ZMAT4: variants seen among roughly 807,000 people sequenced by gnomAD.
The protein encoded by ZMAT4 is zinc finger matrin-type protein 4.
Under a neutral mutation model 28.7 loss-of-function variants are expected in ZMAT4, and 17 were observed. That is an observed-to-expected ratio of 0.59 (90% confidence interval 0.41 to 0.89). The LOEUF is 0.89. Among genes scored for constraint, ZMAT4 ranks in the 40% least tolerant of loss-of-function variants. The pLI is 0.00. For synonymous variants in ZMAT4, 117 were observed against 109.2 expected (o/e 1.07, Z -0.44); for missense variants, 240 against 283.8 (o/e 0.85, Z 1.11).
chr8:40,649,648 A>G (rs1278182563), intron 5 of ZMAT4, among the ~76,000 whole-genome samples: 2 of 152,024 alleles, frequency 1.3e-5, no homozygotes, highest in Non-Finnish European at 2.9e-5. Flanking sequence ...CACCACACCT[A>G]TTCCAAAATT....
intron 5 of ZMAT4, among the ~76,000 whole-genome samples, chr8:40,633,309 C>T (rs1270593286): frequency 6.6e-6 from 1 of 152,186 alleles, no homozygotes; most frequent in East Asian, 1.9e-4. Flanking sequence ...AGCAATTCAA[C>T]TCATAGAGTT....
chr8:40,881,424 GAAGAAAGAGAGAAAGAAAGA>G lies in ZMAT4; in HGVS notation c.-5+16239_-5+16258del, dbSNP rs1260303458. Among the ~76,000 whole-genome samples, 34 of 71,218 alleles carry G rather than the reference GAAGAAAGAGAGAAAGAAAGA, an allele frequency of 4.8e-4. No homozygotes were observed. The East Asian group carries it at 0.011, about 23-fold the overall frequency. The allele number at this position is 71,218 out of a possible 152,430, so 46.7% of individuals were successfully genotyped here. On this transcript the variant is annotated intron_variant, in intron 1 of 6. Coordinates refer to ENST00000297737, the MANE Select transcript of ZMAT4 (RefSeq NM_024645.3). ...AGAGAGAGAAAGAAAGGAAGAAAAA[GAAGAAAGAGAGAAAGAAAGA>G]AAGAAAGAAAGAAAGAAAGAAAGAA...
At chr8:40,589,217 A>G (rs893280083) in intron 5 of ZMAT4, among the ~76,000 whole-genome samples, 1 of 152,156 alleles carries the variant, frequency 6.6e-6, no homozygotes, top group African/African-American at 2.4e-5. Context: ...GGTAGATACT[A>G]TTGTTATACC....
intron 5 of ZMAT4, among the ~76,000 whole-genome samples, chr8:40,645,217 C>T (rs1437203704): frequency 6.6e-6 from 1 of 152,046 alleles, no homozygotes. Flanking sequence ...ACTGTGCTAT[C>T]TTCACCATGT....
rs568096766 is a variant in ZMAT4 at position 40,762,492 on chromosome 8, A to T, written c.192+5149T>A. ...AAACAGCAAGATCCCATCTCTACAA[A>T]TTTTTTTTTTTAAATTAGCCAGGTA... On this transcript the variant is annotated intron_variant, in intron 3 of 6. Transcript: ENST00000297737. Among the ~76,000 whole-genome samples the T allele has an allele frequency of 1.1e-4, 16 of 149,148 alleles. No homozygotes were observed. The East Asian group carries it at 2.2e-3, about 20-fold the overall frequency.
chr8:40,591,593 G>C (rs1406261891), intron 5 of ZMAT4, among the ~76,000 whole-genome samples: 1 of 146,858 alleles, frequency 6.8e-6, no homozygotes, highest in African/African-American at 2.4e-5. Flanking sequence ...TCTTCTAGCA[G>C]GCCCATCAAA....
intron 6 of ZMAT4, among the ~76,000 whole-genome samples, chr8:40,562,252 A>G (rs1803771523): frequency 6.6e-6 from 1 of 152,102 alleles, no homozygotes. Flanking sequence ...ACTCCCGGCC[A>G]GATTCTGTCA....
chr8:40,695,768 ATTTTTTTTTTTTTTT>A (rs756360990), intron 4 of ZMAT4, among the ~76,000 whole-genome samples: 13 of 58,504 alleles, frequency 2.2e-4, no homozygotes, highest in African/African-American at 4.1e-4. Flanking sequence ...CCATGTGGCA[ATTTTTTTTTTTTTTT>A]TTTTTTTTTT....
intron 5 of ZMAT4, among the ~76,000 whole-genome samples, chr8:40,595,194 C>T (rs751040440): frequency 1.3e-5 from 2 of 152,122 alleles, no homozygotes; most frequent in African/African-American, 2.4e-5. Context: ...GCGAACAATG[C>T]CATTTGTGCT....
intron 1 of ZMAT4, among the ~76,000 whole-genome samples, chr8:40,866,083 C>A (rs148049129): frequency 2.0e-5 from 3 of 152,232 alleles, no homozygotes; most frequent in East Asian, 3.9e-4. Flanking sequence ...CAAGGCATTC[C>A]GAAAATACAC....
intron 3 of ZMAT4, among the ~76,000 whole-genome samples, chr8:40,732,862 TGAGTTGGGGG>T (rs1811602521): frequency 7.1e-6 from 1 of 140,478 alleles, no homozygotes; most frequent in Non-Finnish European, 1.5e-5. Context: ...TTTTTTTTTT[TGAGTTGGGGG>T]TTTAGCACTG....
intron 5 of ZMAT4, among the ~76,000 whole-genome samples, chr8:40,638,321 C>T (rs553951487): frequency 6.6e-6 from 1 of 152,252 alleles, no homozygotes; most frequent in Admixed American, 6.5e-5. Context: ...TCACCTTGTA[C>T]TCCAAAATAT....
intron 3 of ZMAT4, among the ~76,000 whole-genome samples, chr8:40,707,235 C>A (rs1251270650): frequency 2.9e-5 from 4 of 139,732 alleles, no homozygotes; most frequent in African/African-American, 5.1e-5. Flanking sequence ...CCCCCACCCC[C>A]ATCTGACAGC....
intron 2 of ZMAT4, among the ~76,000 whole-genome samples, chr8:40,819,945 C>A (rs1435310657): frequency 1.3e-5 from 2 of 151,986 alleles, no homozygotes; most frequent in Non-Finnish European, 2.9e-5. Context: ...AAAGTCCTTA[C>A]TTAACATCAT....
chr8:40,538,359 C>A (rs1417419654), intron 6 of ZMAT4, among the ~76,000 whole-genome samples: 1 of 152,058 alleles, frequency 6.6e-6, no homozygotes, highest in African/African-American at 2.4e-5. Flanking sequence ...TCTAGTTGTC[C>A]CACCTTTCTG....
At chr8:40,616,980 A>G (rs1806030976) in intron 5 of ZMAT4, among the ~76,000 whole-genome samples, 1 of 152,120 alleles carries the variant, frequency 6.6e-6, no homozygotes, top group African/African-American at 2.4e-5. Flanking sequence ...AGGACACATA[A>G]TCATTCTCAC....
intron 5 of ZMAT4, among the ~76,000 whole-genome samples, chr8:40,614,162 C>G (rs1262061841): frequency 6.6e-6 from 1 of 152,164 alleles, no homozygotes; most frequent in Non-Finnish European, 1.5e-5. Context: ...TTTTGCTGCC[C>G]TGGGTTTGCA....
At chr8:40,665,064 G>T (rs141790622) in intron 5 of ZMAT4, among the ~76,000 whole-genome samples, 157 of 152,308 alleles carry the variant, frequency 1.0e-3, no homozygotes, top group African/African-American at 3.6e-3. Flanking sequence ...GCCCTAGCCA[G>T]GCGTGGTGGT....
chr8:40,800,818 A>G (rs1248152183), intron 2 of ZMAT4, among the ~76,000 whole-genome samples: 1 of 152,116 alleles, frequency 6.6e-6, no homozygotes, highest in African/African-American at 2.4e-5. Context: ...AATCAATCAC[A>G]TAAGGTTTTA....
Sources: allele counts gnomAD v4.1 joint callset (sites outside exome capture counted in the v4.1 genomes callset), GRCh38; gene constraint gnomAD v4.1.1; transcripts MANE v1.5; gene names NCBI Gene and HGNC (gene_info 2026-07-23, HGNC 2026-07-21).